CTNND2: variants seen among roughly 807,000 people sequenced by gnomAD.
CTNND2 encodes catenin delta 2, also known as catenin delta-2.
A neutral mutation model predicts 144.4 loss-of-function variants in CTNND2; 22 were observed. The observed-to-expected ratio is 0.15, with a 90% CI of 0.11 to 0.22. The LOEUF is 0.22. CTNND2 is among the 10% of genes least tolerant of loss of function. The pLI is 1.00. For missense variants in CTNND2, 1,353 were observed against 1,618.8 expected, an observed-to-expected ratio of 0.84 and a Z score of 2.82; for synonymous variants, 751 against 695.6, an observed-to-expected ratio of 1.08 and a Z score of -1.25.
At chr5:11,003,089 A>T (rs943757372) in intron 18 of CTNND2, among the ~76,000 whole-genome samples, 2 of 152,170 alleles carry the variant, frequency 1.3e-5, no homozygotes, top group African/African-American at 4.8e-5. Context: ...CTCAGTGGCC[A>T]TACACAGACT....
At chr5:11,527,220 G>A (rs1018293858) in intron 3 of CTNND2, among the ~76,000 whole-genome samples, 2 of 152,010 alleles carry the variant, frequency 1.3e-5, no homozygotes, top group Non-Finnish European at 2.9e-5. Flanking sequence ...AATGGTAAAT[G>A]TTATGTATTT....
intron 16 of CTNND2, among the ~76,000 whole-genome samples, chr5:11,065,773 A>C (rs1253518701): frequency 6.6e-6 from 1 of 152,236 alleles, no homozygotes; most frequent in Non-Finnish European, 1.5e-5. Context: ...ACAAAGAAGA[A>C]AGTCAAAATA....
intron 2 of CTNND2, among the ~76,000 whole-genome samples, chr5:11,570,582 T>G (rs1234154255): frequency 6.6e-6 from 1 of 152,186 alleles, no homozygotes; most frequent in East Asian, 1.9e-4. Context: ...CTTCATTATC[T>G]TCTACTCTCC....
Position 10,988,084 on chromosome 5 carries a change from A to G in CTNND2, c.3343+27T>C, listed in dbSNP as rs767268263. The G allele has an allele frequency of 6.2e-7, 1 of 1,613,472 alleles. No homozygotes were observed. Among genetic ancestry groups the G allele is most frequent in the Non-Finnish European group, 8.5e-7 (1 of 1,179,628 alleles). ...GTCGCGGGTCAAGCCACCAAGTTCC[A>G]GGAGGGGGCGCGCGAGGGGCGCTCA... On this transcript the variant is annotated intron_variant, in intron 20 of 21. Transcript: ENST00000304623. The surrounding 1 kb of genome is among the most constrained non-coding windows in gnomAD (Gnocchi z 5.9).
chr5:11,745,138 G>A (rs1220949780), intron 1 of CTNND2, among the ~76,000 whole-genome samples: 1 of 151,840 alleles, frequency 6.6e-6, no homozygotes, highest in African/African-American at 2.4e-5. Flanking sequence ...TATTATCATT[G>A]TTTTTTAAAC....
At chr5:11,675,285 C>G (rs1450837416) in intron 2 of CTNND2, among the ~76,000 whole-genome samples, 1 of 152,110 alleles carries the variant, frequency 6.6e-6, no homozygotes, top group Non-Finnish European at 1.5e-5. Flanking sequence ...CAGCCCAATC[C>G]CTGTTTTAAC....
chr5:11,234,194 T>G (rs1488688096), intron 10 of CTNND2, among the ~76,000 whole-genome samples: 1 of 151,904 alleles, frequency 6.6e-6, no homozygotes, highest in African/African-American at 2.4e-5. Flanking sequence ...CACACACATA[T>G]GCACACAGAG....
At chr5:11,529,487 A>G (rs549198841) in intron 3 of CTNND2, among the ~76,000 whole-genome samples, 162 of 152,360 alleles carry the variant, frequency 1.1e-3, no homozygotes, top group Non-Finnish European at 2.0e-3. Flanking sequence ...ATCTATTTTT[A>G]ACTCTGCCTT....
At chr5:11,624,106 C>A (rs1297803666) in intron 2 of CTNND2, among the ~76,000 whole-genome samples, 1 of 151,860 alleles carries the variant, frequency 6.6e-6, no homozygotes, top group East Asian at 1.9e-4. Context: ...GACTAATACA[C>A]TCGTTAATAA....
At chr5:11,799,615 G>A (rs533706314) in intron 1 of CTNND2, among the ~76,000 whole-genome samples, 1 of 152,102 alleles carries the variant, frequency 6.6e-6, no homozygotes, top group Non-Finnish European at 1.5e-5. Context: ...GACATTAGCT[G>A]TTATTACTAC....
chr5:11,368,507 C>T (rs1349192495), intron 7 of CTNND2, among the ~76,000 whole-genome samples: 1 of 152,142 alleles, frequency 6.6e-6, no homozygotes, highest in African/African-American at 2.4e-5. Flanking sequence ...AATGAAGGGA[C>T]ACAAGACCTC....
intron 1 of CTNND2, among the ~76,000 whole-genome samples, chr5:11,814,742 TAAAG>T (rs1381355643): frequency 2.0e-5 from 3 of 152,206 alleles, no homozygotes; most frequent in Non-Finnish European, 4.4e-5. Flanking sequence ...TGCCTAAAGA[TAAAG>T]AAAGTGTTCT....
At chr5:10,980,085 G>A (rs1394780113) in intron 21 of CTNND2, among the ~76,000 whole-genome samples, 1 of 152,106 alleles carries the variant, frequency 6.6e-6, no homozygotes, top group Non-Finnish European at 1.5e-5. Flanking sequence ...CTCCTGCACG[G>A]CAAAAGAAAC....
intron 2 of CTNND2, among the ~76,000 whole-genome samples, chr5:11,641,571 C>A (rs1034968824): frequency 3.7e-5 from 5 of 135,342 alleles, no homozygotes; most frequent in African/African-American, 1.5e-4. Context: ...CATACATATA[C>A]GTGTGTATGT....
chr5:11,025,436 A>G (rs1742722195), intron 16 of CTNND2, among the ~76,000 whole-genome samples: 1 of 152,218 alleles, frequency 6.6e-6, no homozygotes, highest in Non-Finnish European at 1.5e-5. Context: ...AATGTGGGAC[A>G]TAGAATAATT....
intron 8 of CTNND2, among the ~76,000 whole-genome samples, chr5:11,357,215 A>G (rs956331796): frequency 6.6e-6 from 1 of 152,142 alleles, no homozygotes; most frequent in Non-Finnish European, 1.5e-5. Context: ...TGTTAAAGAG[A>G]TACCTGTACA....
At chr5:11,704,209 C>T (rs190599972) in intron 2 of CTNND2, among the ~76,000 whole-genome samples, 265 of 152,338 alleles carry the variant, frequency 1.7e-3, no homozygotes, top group Non-Finnish European at 2.9e-3. Flanking sequence ...GGCCTGACCT[C>T]GGAGGACTAC....
At chr5:11,501,566 T>C (rs1770524274) in intron 3 of CTNND2, among the ~76,000 whole-genome samples, 1 of 152,202 alleles carries the variant, frequency 6.6e-6, no homozygotes, top group Non-Finnish European at 1.5e-5. Context: ...CAAATACTTA[T>C]TGCAACTGAC....
At chr5:11,813,796 GA>G (rs1792479437) in intron 1 of CTNND2, among the ~76,000 whole-genome samples, 1 of 152,180 alleles carries the variant, frequency 6.6e-6, no homozygotes, top group Admixed American at 6.5e-5. Context: ...TTAAAGGCAT[GA>G]GCCACCCCAC....
Sources: allele counts gnomAD v4.1 joint callset (sites outside exome capture counted in the v4.1 genomes callset), GRCh38; gene constraint gnomAD v4.1.1; non-coding constraint Gnocchi (gnomAD v3.1); transcripts MANE v1.5; gene names NCBI Gene and HGNC (gene_info 2026-07-23, HGNC 2026-07-21).